The following PTPRD variants were observed in gnomAD, a reference collection of about 807,000 sequenced individuals.
The protein encoded by PTPRD is protein tyrosine phosphatase receptor type D.
Under a neutral mutation model 214.5 loss-of-function variants are expected in PTPRD, and 34 were observed. That is an observed-to-expected ratio of 0.16 (90% CI 0.12 to 0.21). The LOEUF (loss-of-function observed/expected upper bound fraction) is 0.21. Among genes scored for constraint, PTPRD ranks in the 10% least tolerant of loss-of-function variants. PTPRD has a pLI of 1.00. For synonymous variants in PTPRD, 1,128 were observed against 845.7 expected (o/e 1.33, Z -5.79); for missense variants, 2,545 against 2,398.7 (o/e 1.06, Z -1.27).
chr9:10,431,710 G>T (rs1482924246), intron 2 of PTPRD, among the ~76,000 whole-genome samples: 2 of 152,138 alleles, frequency 1.3e-5, no homozygotes, highest in Non-Finnish European at 2.9e-5. Context: ...GGCCATCAGA[G>T]AAATGCAAAT....
At chr9:8,945,816 C>T (rs2099060725) in intron 11 of PTPRD, among the ~76,000 whole-genome samples, 1 of 152,122 alleles carries the variant, frequency 6.6e-6, no homozygotes, top group Non-Finnish European at 1.5e-5. Flanking sequence ...TCAGCTAAAC[C>T]AAATTCTATA....
At chr9:10,292,423 C>A (rs1056138953) in intron 3 of PTPRD, among the ~76,000 whole-genome samples, 1 of 151,982 alleles carries the variant, frequency 6.6e-6, no homozygotes, top group South Asian at 2.1e-4. Context: ...TGCTCAAAAC[C>A]TTCCAATACC....
intron 10 of PTPRD, among the ~76,000 whole-genome samples, chr9:9,107,916 T>C (rs73397793): frequency 0.025 from 3,798 of 152,266 alleles, 177 homozygotes; most frequent in African/African-American, 0.087. Flanking sequence ...TGGAAAAATC[T>C]GGTTTAAATG....
chr9:10,347,199 C>T (rs2097099403), intron 2 of PTPRD, among the ~76,000 whole-genome samples: 1 of 152,006 alleles, frequency 6.6e-6, no homozygotes, highest in African/African-American at 2.4e-5. Flanking sequence ...CACTGTTATT[C>T]AATGGGGCTA....
chr9:9,191,016 G>A (rs1381093768), intron 9 of PTPRD, among the ~76,000 whole-genome samples: 6 of 152,028 alleles, frequency 3.9e-5, no homozygotes, highest in African/African-American at 1.4e-4. Flanking sequence ...TCATACACTT[G>A]TGTAACCTCC....
intron 11 of PTPRD, among the ~76,000 whole-genome samples, chr9:8,781,062 C>G (rs1549998): frequency 0.2 from 30,653 of 152,066 alleles, 3,567 homozygotes; most frequent in African/African-American, 0.32. Context: ...TAGGAGGATG[C>G]GGGATGGTTA....
chr9:9,770,703 G>T (rs546147067), intron 5 of PTPRD, among the ~76,000 whole-genome samples: 1 of 152,136 alleles, frequency 6.6e-6, no homozygotes, highest in African/African-American at 2.4e-5. Context: ...GGCCATGTTT[G>T]TTTGTTGATT....
intron 3 of PTPRD, among the ~76,000 whole-genome samples, chr9:10,307,600 T>C (rs2096123436): frequency 6.6e-6 from 1 of 152,124 alleles, no homozygotes; most frequent in Non-Finnish European, 1.5e-5. Context: ...GGTAGTTCTA[T>C]TTTTAGTTAT....
chr9:8,559,077 T>C (rs560689935), intron 14 of PTPRD, among the ~76,000 whole-genome samples: 51 of 152,330 alleles, frequency 3.3e-4, no homozygotes, highest in Middle Eastern at 6.8e-3. Context: ...TTATGCCAAA[T>C]TGTTTTTATT....
chr9:10,440,839 G>A (rs2098753387), intron 2 of PTPRD, among the ~76,000 whole-genome samples: 2 of 151,628 alleles, frequency 1.3e-5, no homozygotes, highest in Admixed American at 1.3e-4. Flanking sequence ...TAATCTCCAT[G>A]GCAATGAATT....
At chr9:10,100,920 C>T (rs553131023) in intron 3 of PTPRD, among the ~76,000 whole-genome samples, 17 of 151,614 alleles carry the variant, frequency 1.1e-4, no homozygotes, top group African/African-American at 3.6e-4. Flanking sequence ...ACTGAGATAA[C>T]GAAAAAGGTC....
At chr9:9,074,577 C>T (rs1254787249) in intron 10 of PTPRD, among the ~76,000 whole-genome samples, 1 of 152,024 alleles carries the variant, frequency 6.6e-6, no homozygotes, top group Non-Finnish European at 1.5e-5. Flanking sequence ...TATTTTAAAT[C>T]TGGCTCATAT....
chr9:9,406,469 T>G (rs555559066), intron 8 of PTPRD, among the ~76,000 whole-genome samples: 1 of 152,074 alleles, frequency 6.6e-6, no homozygotes, highest in African/African-American at 2.4e-5. Flanking sequence ...ACCCTCCATC[T>G]TTTCTACAAA....
intron 8 of PTPRD, among the ~76,000 whole-genome samples, chr9:9,545,558 G>A (rs2078593940): frequency 1.3e-5 from 2 of 151,812 alleles, no homozygotes; most frequent in Non-Finnish European, 2.9e-5. Context: ...TATGAATAAA[G>A]CTATTTTAAA....
Position 9,269,927 on chromosome 9 carries a change from C to A in PTPRD, c.-202-86564G>T, listed in dbSNP as rs555245273. Among the ~76,000 whole-genome samples, 440 of 150,820 alleles carry A rather than the reference C, an allele frequency of 2.9e-3. 1 individual carries two copies. Among genetic ancestry groups the A allele is most frequent in the Non-Finnish European group, 2.8e-3 (186 of 67,426 alleles). On this transcript the variant is annotated intron_variant, in intron 9 of 45. Transcript: ENST00000381196. Reference sequence around the variant, plus strand: ...TTAGAAGGCGAATAGGCTCGGGAGACCTAACGTACAGCATGGTGACTATAG... The same window carrying A: ...TTAGAAGGCGAATAGGCTCGGGAGAACTAACGTACAGCATGGTGACTATAG...
At chr9:8,475,371 C>G (rs12686431) in intron 30 of PTPRD, among the ~76,000 whole-genome samples, 32,597 of 152,058 alleles carry the variant, frequency 0.21, 3,568 homozygotes, top group East Asian at 0.27. Flanking sequence ...TCCACACTAA[C>G]CTTATTTCCT....
At chr9:8,809,021 T>A (rs1207832299) in intron 11 of PTPRD, among the ~76,000 whole-genome samples, 1 of 152,010 alleles carries the variant, frequency 6.6e-6, no homozygotes, top group Non-Finnish European at 1.5e-5. Context: ...GGAAGGAAAG[T>A]CAGAGACCAC....
chr9:9,637,805 G>A (rs1317402786), intron 7 of PTPRD, among the ~76,000 whole-genome samples: 1 of 152,138 alleles, frequency 6.6e-6, no homozygotes, highest in Non-Finnish European at 1.5e-5. Flanking sequence ...GCCCTAGTGG[G>A]GCACTGTGTG....
chr9:10,328,368 G>T (rs966774173), intron 3 of PTPRD, among the ~76,000 whole-genome samples: 2 of 151,684 alleles, frequency 1.3e-5, no homozygotes, highest in African/African-American at 4.8e-5. Context: ...CTGTAAAACT[G>T]GTAGGGGGGT....
Sources: allele counts gnomAD v4.1 joint callset (sites outside exome capture counted in the v4.1 genomes callset), GRCh38; gene constraint gnomAD v4.1.1; transcripts MANE v1.5; gene names NCBI Gene and HGNC (gene_info 2026-07-23, HGNC 2026-07-21).